SLC22A13: variants seen among roughly 807,000 people sequenced by gnomAD.
SLC22A13 encodes solute carrier family 22 member 13, also known as organic anion transporter 10.
Under a neutral mutation model 49.1 loss-of-function variants are expected in SLC22A13, and 42 were observed. That is an observed-to-expected ratio of 0.85 (90% CI 0.67 to 1.11). The LOEUF is 1.11. SLC22A13 is among the 50% of genes least tolerant of loss of function. The pLI is 0.00. For missense variants in SLC22A13, 694 were observed against 712.8 expected (o/e 0.97, Z 0.30); for synonymous variants, 282 against 293.1 (o/e 0.96, Z 0.39).
At position 38,276,085 on chromosome 3, in the gene SLC22A13, T is replaced by C. The variant is rs758614857; in HGVS notation, c.1226T>C (p.Phe409Ser). 5.0e-5 allele frequency: 81 copies of C among 1,613,484 alleles called. No homozygotes were observed. Among genetic ancestry groups the C allele is most frequent in the Non-Finnish European group, 6.8e-5 (80 of 1,179,744 alleles). The change falls in exon 7 of 10, where the codon TTC (phenylalanine) becomes TCC (serine). Residue 409 changes from phenylalanine to serine, a missense_variant. By Grantham distance (155) the Phe-to-Ser change is radical (BLOSUM62 -2). Transcript: ENST00000311856. Reference sequence around the variant, plus strand: ...GGCCTGATGTGTATCATCATCATCTTCATCCCAGCAGGTATCAGGGCTGGC... The same window carrying C: ...GGCCTGATGTGTATCATCATCATCTCCATCCCAGCAGGTATCAGGGCTGGC... The part of the protein sequence containing the change: ...LGGLMCIIII[F>S]IPADLPVVVT...
intron 8 of SLC22A13, 56 bp from the exon 9 acceptor site, chr3:38,276,856 A>T: frequency 6.8e-7 from 1 of 1,476,528 alleles, no homozygotes; most frequent in Non-Finnish European, 9.3e-7. Flanking sequence ...ACTAGGGTGA[A>T]GCTGAGGCCC....
At chr3:38,274,824 C>T in intron 3 of SLC22A13, 66 bp downstream of exon 3, 1 of 1,557,820 alleles carries the variant, frequency 6.4e-7, no homozygotes, top group Admixed American at 1.9e-5. Context: ...AGGGCCACAG[C>T]CCCAAACGGC....
chr3:38,265,984 A>G lies in SLC22A13; in HGVS notation c.124A>G (p.Met42Val). 5.6e-6 allele frequency: 9 copies of G among 1,614,068 alleles called. No individual in the cohort carries two copies. Among genetic ancestry groups the G allele is most frequent in the Non-Finnish European group, 7.6e-6 (9 of 1,180,030 alleles). The part of the protein sequence containing the change: ...SPFYFFAHVF[M>V]VLDEPHHCAV... The stretch of plus-strand genomic sequence containing the variant: ...CTTCTACTTTTTTGCCCATGTCTTC[A>G]TGGTCCTAGATGAGCCCCACCACTG... Residue 42 changes from methionine to valine, a missense_variant, in exon 1 of 10, where the codon ATG becomes GTG. By Grantham distance (21) the Met-to-Val change is conservative (BLOSUM62 1). Transcript: ENST00000311856.
intron 4 of SLC22A13, 98 bp from the exon 5 acceptor site, chr3:38,275,272 C>A: frequency 6.3e-7 from 1 of 1,591,564 alleles, no homozygotes. Flanking sequence ...GAGAGGGAGC[C>A]TGTCACAGCT....
At position 38,275,690 on chromosome 3, in the gene SLC22A13, G is replaced by C; in HGVS notation, c.1022+18G>C. 1 of 1,610,934 alleles carries C rather than the reference G, an allele frequency of 6.2e-7. No individual in the cohort carries two copies. Among genetic ancestry groups the C allele is most frequent in the South Asian group, 1.1e-5 (1 of 90,782 alleles). On this transcript the variant is annotated intron_variant, in intron 6 of 9. Coordinates refer to ENST00000311856, the MANE Select transcript of SLC22A13 (RefSeq NM_004256.4). Reference sequence around the variant, plus strand: ...TGTGTCTGGTGAGTGCCCAGAACCCGAGGACAGAACCACAGGGCTGCAGCC... The same window carrying C: ...TGTGTCTGGTGAGTGCCCAGAACCCCAGGACAGAACCACAGGGCTGCAGCC...
Position 38,276,695 on chromosome 3 carries a change from A to T in SLC22A13, c.1347-217A>T, listed in dbSNP as rs1703588346. The stretch of plus-strand genomic sequence containing the variant: ...GGGTGGAAGAGTGGTAAGGATGTGC[A>T]GCCTCTGACCTGAGACTTGACAGGC... On this transcript the variant is annotated intron_variant, in intron 8 of 9. Coordinates refer to ENST00000311856, the MANE Select transcript of SLC22A13 (RefSeq NM_004256.4). 2.0e-5 allele frequency among the ~76,000 whole-genome samples: 3 copies of T among 152,264 alleles called. No individual in the cohort carries two copies. The South Asian group carries it at 6.2e-4, about 32-fold the overall frequency.
Position 38,276,078 on chromosome 3 carries a change from A to G in SLC22A13, c.1219A>G (p.Ile407Val), listed in dbSNP as rs750569718. ...CTTGGGTGGCCTGATGTGTATCATC[A>G]TCATCTTCATCCCAGCAGGTATCAG... ...LVLGGLMCII[I>V]IFIPADLPVV... Residue 407 changes from isoleucine (I) to valine (V), a missense_variant, in exon 7 of 10, where the codon ATC becomes GTC. Physicochemically the swap from Ile to Val is conservative, Grantham distance 29 (BLOSUM62 3). Transcript: ENST00000311856. 3.1e-6 allele frequency: 5 copies of G among 1,613,736 alleles called. No homozygotes were observed. The highest frequency in any genetic ancestry group is 2.2e-5 in the South Asian group (2 of 90,986).
intron 1 of SLC22A13, among the ~76,000 whole-genome samples, chr3:38,268,709 A>G (rs1021702106): frequency 2.0e-5 from 3 of 152,226 alleles, no homozygotes; most frequent in Non-Finnish European, 4.4e-5. Flanking sequence ...GAAGGGCAAG[A>G]CAGACTCCAC....
rs1385125372 is a variant in SLC22A13 at position 38,266,499 on chromosome 3, T to C, written c.378+261T>C. ...ATCCTTCTGTCGTCTCTGTCTTTCC[T>C]TGTCTCTCTGGCTATCTACCCAGTT... On this transcript the variant is annotated intron_variant, in intron 1 of 9. Transcript: ENST00000311856. Among the ~76,000 whole-genome samples the C allele has an allele frequency of 2.0e-5, 3 of 152,366 alleles. No individual in the cohort carries two copies. The East Asian group carries it at 5.8e-4, about 29-fold the overall frequency.
chr3:38,276,098 T>C lies in SLC22A13; in HGVS notation c.1237+2T>C, dbSNP rs1310235293. 1 of 1,611,916 alleles carries C rather than the reference T, an allele frequency of 6.2e-7. No homozygotes were observed. Among genetic ancestry groups the C allele is most frequent in the Admixed American group, 1.7e-5 (1 of 59,888 alleles). On this transcript the variant is annotated splice_donor_variant, in intron 7 of 9. Coordinates refer to ENST00000311856, the MANE Select transcript of SLC22A13 (RefSeq NM_004256.4). LOFTEE classifies it high-confidence loss of function. ...TCATCATCATCTTCATCCCAGCAGGTATCAGGGCTGGCTATCCCTCACCCG... is the reference window on the plus strand; with the variant it reads ...TCATCATCATCTTCATCCCAGCAGGCATCAGGGCTGGCTATCCCTCACCCG...
Position 38,276,278 on chromosome 3 carries a change from C to G in SLC22A13, c.1238-9C>G, listed in dbSNP as rs753680797. 1 of 1,607,186 alleles carries G rather than the reference C, an allele frequency of 6.2e-7. No homozygotes were observed. The highest frequency in any genetic ancestry group is 1.3e-5 in the African/African-American group (1 of 74,874). ...GGCCCAGGTGATGGGGCTGTCTACC[C>G]TCTGCCAGATCTGCCCGTGGTGGTC... On this transcript the variant is annotated splice_polypyrimidine_tract_variant and intron_variant, in intron 7 of 9. Transcript: ENST00000311856.
intron 9 of SLC22A13, 22 bp from the exon 10 acceptor site, chr3:38,277,350 G>A: frequency 6.3e-7 from 1 of 1,583,162 alleles, no homozygotes; most frequent in Non-Finnish European, 8.7e-7. Context: ...GGCAGCCAAT[G>A]ACAGCCTTCT....
In SLC22A13 at chr3:38,274,747, A is replaced by G. The variant is rs1703558163; in HGVS notation, c.626A>G (p.Asn209Ser). The change falls in exon 3 of 10, where the codon AAT becomes AGT. Residue 209 changes from asparagine to serine, a missense_variant. Coordinates refer to ENST00000311856, the MANE Select transcript of SLC22A13 (RefSeq NM_004256.4). ...GCCGTCGCTGGACTTAGCTTCAGCA[A>G]TGTCACCCTACGTGAGTGTCTGGGC... ...ATAVAGLSFSNVTLLTEWVGP... is the reference protein window; with the variant it reads ...ATAVAGLSFSSVTLLTEWVGP... 1.9e-6 allele frequency: 3 copies of G among 1,613,670 alleles called. No individual in the cohort carries two copies. The highest frequency in any genetic ancestry group is 1.7e-5 in the Admixed American group (1 of 59,968).
intron 9 of SLC22A13, 108 bp from the exon 10 acceptor site, chr3:38,277,264 C>A (rs764121872): frequency 4.3e-5 from 49 of 1,131,898 alleles, no homozygotes; most frequent in Non-Finnish European, 5.5e-5. Flanking sequence ...CCACAGACAT[C>A]TGGCTGGCTT....
At chr3:38,267,866 T>C (rs549098260) in intron 1 of SLC22A13, among the ~76,000 whole-genome samples, 1 of 152,226 alleles carries the variant, frequency 6.6e-6, no homozygotes, top group South Asian at 2.1e-4. Flanking sequence ...GGAAGGCCTC[T>C]GCAGGTGGAG....
chr3:38,274,677 C>G lies in SLC22A13; in HGVS notation c.556C>G (p.Pro186Ala). The G allele has an allele frequency of 6.2e-7, 1 of 1,614,132 alleles. No individual in the cohort carries two copies. The highest frequency in any genetic ancestry group is 8.5e-7 in the Non-Finnish European group (1 of 1,179,990). The change falls in exon 3 of 10, where the codon CCC becomes GCC. Residue 186 changes from proline to alanine, a missense_variant. Transcript: ENST00000311856. ...CATCGGCCTGGCCACAGCTTTTGTG[C>G]CCAGCTTTGAGCTCTACATGGCCCT... ...TLIGLATAFV[P>A]SFELYMALRF...
rs1703612649 is a variant in SLC22A13, at chr3:38,278,531, C to T, written c.*1066C>T. Reference sequence around the variant, plus strand: ...GCAGCCCCTGACCCAACCAAGATGGCCTTCTTGGCTGGGCGTGGTGGTTCA... The same window carrying T: ...GCAGCCCCTGACCCAACCAAGATGGTCTTCTTGGCTGGGCGTGGTGGTTCA... On this transcript the variant is annotated 3_prime_UTR_variant, in exon 10 of 10. Coordinates refer to ENST00000311856, the MANE Select transcript of SLC22A13 (RefSeq NM_004256.4). 6.6e-6 allele frequency among the ~76,000 whole-genome samples: 1 copy of T among 152,080 alleles called. No homozygotes were observed. The highest frequency in any genetic ancestry group is 1.5e-5 in the Non-Finnish European group (1 of 68,014).
At chr3:38,273,556 G>T (rs965418392) in intron 1 of SLC22A13, among the ~76,000 whole-genome samples, 1 of 152,160 alleles carries the variant, frequency 6.6e-6, no homozygotes, top group Non-Finnish European at 1.5e-5. Flanking sequence ...ACCCAAGTGT[G>T]TCCCAGGGGT....
Position 38,274,290 on chromosome 3 carries a change from C to T in SLC22A13, c.397C>T (p.Arg133Trp), listed in dbSNP as rs138198431. The change falls in exon 2 of 10, where the codon CGG (arginine) becomes TGG (tryptophan). Residue 133 changes from arginine (R) to tryptophan (W), a missense_variant. Physicochemically the swap from Arg to Trp is moderately radical, Grantham distance 101. Transcript: ENST00000311856. ...LKNEFNLVCDRKHLKDTTQSV... is the reference protein window; with the variant it reads ...LKNEFNLVCDWKHLKDTTQSV... ...CCCTCAGTTCAACCTGGTTTGTGAT[C>T]GGAAGCACCTGAAGGACACCACACA... The T allele has an allele frequency of 1.9e-5, 31 of 1,614,000 alleles. No homozygotes were observed. The highest frequency in any genetic ancestry group is 1.2e-4 in the South Asian group (11 of 91,080).
Sources: allele counts gnomAD v4.1 joint callset (sites outside exome capture counted in the v4.1 genomes callset), GRCh38; gene constraint gnomAD v4.1.1; transcripts MANE v1.5; gene names NCBI Gene and HGNC (gene_info 2026-07-23, HGNC 2026-07-21).